Variants in LRMDA observed in about 807,000 individuals in gnomAD.
The protein encoded by LRMDA is leucine-rich melanocyte differentiation-associated protein.
In LRMDA, 18 loss-of-function variants were observed where a neutral mutation model predicts 29.8. The observed-to-expected ratio is 0.60, with a 90% CI of 0.42 to 0.90. LRMDA has a LOEUF of 0.90. Ranked by LOEUF, LRMDA falls within the 40% of genes least tolerant of loss-of-function variation. The pLI is 0.00. For synonymous variants in LRMDA, 125 were observed against 109.4 expected (o/e 1.14, Z -0.89); for missense variants, 273 against 273.9 (o/e 1.00, Z 0.02).
At chr10:75,672,549 C>T (rs1168056298) in intron 2 of LRMDA, among the ~76,000 whole-genome samples, 1 of 13,230 alleles carries the variant, frequency 7.6e-5, no homozygotes, top group Non-Finnish European at 1.3e-4. Flanking sequence ...CCCTCCCCTC[C>T]CCTCCCCTCC....
intron 5 of LRMDA, among the ~76,000 whole-genome samples, chr10:76,310,898 C>T (rs915288954): frequency 8.5e-5 from 13 of 152,254 alleles, no homozygotes; most frequent in Admixed American, 2.6e-4. Context: ...AGTTTTAGGT[C>T]TTTCATGAGA....
intron 2 of LRMDA, among the ~76,000 whole-genome samples, chr10:75,910,986 C>G (rs1000497341): frequency 6.6e-6 from 1 of 152,038 alleles, no homozygotes; most frequent in African/African-American, 2.4e-5. Context: ...CAATCACCCT[C>G]AGCATATCCT....
At chr10:75,942,850 T>C (rs775212166) in intron 2 of LRMDA, among the ~76,000 whole-genome samples, 1 of 152,212 alleles carries the variant, frequency 6.6e-6, no homozygotes, top group Non-Finnish European at 1.5e-5. Flanking sequence ...TCTGTAACTA[T>C]GTGTTCTGAT....
At chr10:76,445,424 C>G (rs1489702249) in intron 6 of LRMDA, among the ~76,000 whole-genome samples, 1 of 152,206 alleles carries the variant, frequency 6.6e-6, no homozygotes, top group African/African-American at 2.4e-5. Context: ...TGACTCCCCT[C>G]AGAGGTCTGT....
At position 76,128,291 on chromosome 10, in the gene LRMDA, C is replaced by T. The variant is rs570578433; in HGVS notation, c.516+69508C>T. On this transcript the variant is annotated intron_variant, in intron 5 of 6. Coordinates refer to ENST00000611255, the MANE Select transcript of LRMDA (RefSeq NM_001305581.2). ...ACCCTGGGACAGCTCCCAAGTCCGC[C>T]GCAGTGTTCCTGCTGGATGCAAGCC... Among the ~76,000 whole-genome samples the T allele has an allele frequency of 3.4e-3, 521 of 152,268 alleles. 2 individuals are homozygous for T. The highest frequency in any genetic ancestry group is 5.3e-3 in the Non-Finnish European group (363 of 68,022).
At chr10:75,746,522 C>T (rs536409403) in intron 2 of LRMDA, among the ~76,000 whole-genome samples, 2 of 152,094 alleles carry the variant, frequency 1.3e-5, no homozygotes, top group Admixed American at 6.5e-5. Flanking sequence ...TGCCTTGTAG[C>T]GTGGGTGTCC....
At chr10:76,538,286 C>G (rs1431746548) in intron 6 of LRMDA, among the ~76,000 whole-genome samples, 1 of 151,838 alleles carries the variant, frequency 6.6e-6, no homozygotes, top group Non-Finnish European at 1.5e-5. Context: ...CATTGTCATT[C>G]TTAGTCTCTG....
chr10:75,797,600 GA>G (rs1396973472), intron 2 of LRMDA, among the ~76,000 whole-genome samples: 23 of 152,070 alleles, frequency 1.5e-4, no homozygotes, highest in African/African-American at 5.3e-4. Context: ...TGTTACAATT[GA>G]TTTGCTTTTT....
At chr10:75,960,869 C>A (rs909254258) in intron 2 of LRMDA, among the ~76,000 whole-genome samples, 3 of 152,116 alleles carry the variant, frequency 2.0e-5, no homozygotes, top group Admixed American at 2.0e-4. Flanking sequence ...CCTGCCTCAG[C>A]CTCCCGAAGT....
intron 6 of LRMDA, among the ~76,000 whole-genome samples, chr10:76,393,325 A>G (rs1392792427): frequency 6.6e-6 from 1 of 152,052 alleles, no homozygotes; most frequent in Non-Finnish European, 1.5e-5. Context: ...ATCCTTATGA[A>G]TACTTACCTT....
At chr10:76,370,128 A>AG (rs1295495461) in intron 6 of LRMDA, among the ~76,000 whole-genome samples, 1 of 150,954 alleles carries the variant, frequency 6.6e-6, no homozygotes, top group East Asian at 1.9e-4. Flanking sequence ...TATGCCAGCA[A>AG]AAAAAGTAGT....
chr10:75,453,890 A>G (rs865884624), intron 2 of LRMDA, among the ~76,000 whole-genome samples: 4 of 152,232 alleles, frequency 2.6e-5, no homozygotes, highest in African/African-American at 2.4e-5. Context: ...GCAAGAGAAA[A>G]GCATAGCAAA....
At chr10:76,083,149 G>C (rs1057366529) in intron 5 of LRMDA, among the ~76,000 whole-genome samples, 6 of 152,202 alleles carry the variant, frequency 3.9e-5, no homozygotes, top group Non-Finnish European at 8.8e-5. Flanking sequence ...AATTCTTAGA[G>C]ATTGCAAATG....
intron 2 of LRMDA, among the ~76,000 whole-genome samples, chr10:75,913,998 T>C (rs1845888893): frequency 6.6e-6 from 1 of 152,228 alleles, no homozygotes; most frequent in Non-Finnish European, 1.5e-5. Flanking sequence ...CCACTGTCAG[T>C]GTTGCTAGAG....
chr10:75,872,315 T>A (rs1845127203), intron 2 of LRMDA, among the ~76,000 whole-genome samples: 1 of 152,064 alleles, frequency 6.6e-6, no homozygotes, highest in Non-Finnish European at 1.5e-5. Flanking sequence ...TTTTTTTAAT[T>A]TTTGAGACGA....
chr10:75,849,018 G>T (rs1171004684), intron 2 of LRMDA, among the ~76,000 whole-genome samples: 1 of 152,094 alleles, frequency 6.6e-6, no homozygotes, highest in Non-Finnish European at 1.5e-5. Flanking sequence ...GTAAGCCAGG[G>T]TATCTGTCCC....
intron 2 of LRMDA, among the ~76,000 whole-genome samples, chr10:75,770,411 T>C (rs1165015268): frequency 1.3e-5 from 2 of 152,258 alleles, no homozygotes; most frequent in African/African-American, 2.4e-5. Context: ...GTGGTTACTA[T>C]GATACATTTT....
At chr10:75,774,737 A>G (rs1843288111) in intron 2 of LRMDA, among the ~76,000 whole-genome samples, 1 of 152,194 alleles carries the variant, frequency 6.6e-6, no homozygotes, top group Non-Finnish European at 1.5e-5. Context: ...TTCATTCTGA[A>G]AACAGCAAGA....
rs113759484 is a variant in LRMDA, at chr10:75,931,642, T to C, written c.132-104366T>C. On this transcript the variant is annotated intron_variant, in intron 2 of 6. Coordinates refer to ENST00000611255, the MANE Select transcript of LRMDA (RefSeq NM_001305581.2). ...TCTGTATTATTTCCTTCCTCTAAGC[T>C]TCTGCTCAAGGAAGTCCACCCAAGA... Among the ~76,000 whole-genome samples, 582 of 152,310 alleles carry C rather than the reference T, an allele frequency of 3.8e-3. 2 individuals are homozygous for C. The highest frequency in any genetic ancestry group is 0.01 in the Middle Eastern group (3 of 294).
Sources: allele counts gnomAD v4.1 joint callset (sites outside exome capture counted in the v4.1 genomes callset), GRCh38; gene constraint gnomAD v4.1.1; transcripts MANE v1.5; gene names NCBI Gene and HGNC (gene_info 2026-07-23, HGNC 2026-07-21).